WSCD2: variants seen among roughly 807,000 people sequenced by gnomAD.
The protein encoded by WSCD2 is sialate:O-sulfotransferase 2.
WSCD2 carries 28 observed loss-of-function variants against 55.7 expected under a neutral mutation model. The observed-to-expected ratio is 0.50, with a 90% CI of 0.37 to 0.69. The LOEUF is 0.69. WSCD2 is among the 30% of genes least tolerant of loss of function. The pLI is 0.00. For missense variants in WSCD2, 616 were observed against 762.1 expected (o/e 0.81, Z 2.26); for synonymous variants, 301 against 301.9 (o/e 1.00, Z 0.03).
intron 8 of WSCD2, among the ~76,000 whole-genome samples, chr12:108,244,148 A>G (rs1889936952): frequency 6.6e-6 from 1 of 152,336 alleles, no homozygotes; most frequent in Non-Finnish European, 1.5e-5. Flanking sequence ...GTGCCCCGCC[A>G]GGCACACCTG....
At chr12:108,134,751 C>T (rs938872245) in intron 1 of WSCD2, among the ~76,000 whole-genome samples, 3 of 152,082 alleles carry the variant, frequency 2.0e-5, no homozygotes, top group Non-Finnish European at 2.9e-5. Flanking sequence ...GCTTTCTGTC[C>T]ATCCTAATAT....
chr12:108,213,864 T>C (rs1180463162), intron 4 of WSCD2, among the ~76,000 whole-genome samples: 1 of 152,146 alleles, frequency 6.6e-6, no homozygotes, highest in African/African-American at 2.4e-5. Context: ...CAGAACACCA[T>C]CTCTCTTTTA....
At chr12:108,163,384 T>A (rs1370708331) in intron 1 of WSCD2, among the ~76,000 whole-genome samples, 3 of 151,922 alleles carry the variant, frequency 2.0e-5, no homozygotes, top group East Asian at 1.9e-4. Context: ...AAATAAAAAT[T>A]AAAATTAAAA....
intron 1 of WSCD2, among the ~76,000 whole-genome samples, chr12:108,186,804 T>C (rs1027018476): frequency 1.3e-5 from 2 of 152,206 alleles, no homozygotes; most frequent in Non-Finnish European, 2.9e-5. Flanking sequence ...CTGTAGCTTA[T>C]TGAGCCCTTT....
In WSCD2 at chr12:108,210,168, G is replaced by T. The variant is rs1885955810; in HGVS notation, c.545G>T (p.Gly182Val). 1 of 1,614,014 alleles carries T rather than the reference G, an allele frequency of 6.2e-7. No homozygotes were observed. The highest frequency in any genetic ancestry group is 1.7e-5 in the Admixed American group (1 of 60,008). Residue 182 changes from glycine (G) to valine (V), a missense_variant, in exon 4 of 9, where the codon GGC becomes GTC. Gly to Val is a moderately radical substitution (Grantham distance 109). Transcript: ENST00000547525. This position sits in a 1 kb window ranked among gnomAD's most constrained non-coding sequence, Gnocchi z 4.3. Reference protein sequence around the residue: ...GLEFGAECYCGHKIQATNVSE... With the variant: ...GLEFGAECYCVHKIQATNVSE... Reference sequence around the variant, plus strand: ...GAGTTCGGCGCCGAGTGCTACTGCGGCCACAAGATCCAGGCGACGAACGTG... The same window carrying T: ...GAGTTCGGCGCCGAGTGCTACTGCGTCCACAAGATCCAGGCGACGAACGTG...
intron 2 of WSCD2, among the ~76,000 whole-genome samples, chr12:108,199,318 G>A (rs1884358929): frequency 6.6e-6 from 1 of 152,236 alleles, no homozygotes; most frequent in Non-Finnish European, 1.5e-5. Flanking sequence ...AGGATTCAGA[G>A]CCCATCATGG....
chr12:108,226,047 G>T (rs932575603), intron 5 of WSCD2, among the ~76,000 whole-genome samples: 1 of 152,008 alleles, frequency 6.6e-6, no homozygotes, highest in Non-Finnish European at 1.5e-5. Flanking sequence ...TGCCCCCTTG[G>T]TGTGATGGTG....
intron 7 of WSCD2, among the ~76,000 whole-genome samples, chr12:108,235,159 T>G (rs1889152530): frequency 6.6e-6 from 1 of 152,184 alleles, no homozygotes; most frequent in Admixed American, 6.5e-5. Context: ...GAGCTTTAAT[T>G]TCCTAATCTA....
At position 108,162,170 on chromosome 12, in the gene WSCD2, A is replaced by T. The variant is rs182563759; in HGVS notation, c.-552+32244A>T. On this transcript the variant is annotated intron_variant, in intron 1 of 8. Coordinates refer to ENST00000547525, the MANE Select transcript of WSCD2 (RefSeq NM_014653.4). ...TGAGGGTGGAAAGGAAGGACGGCAG[A>T]GGGACTGTGACCTCAGATTCTCTTC... is the stretch of plus-strand genomic sequence containing the variant. Among the ~76,000 whole-genome samples, 249 of 152,356 alleles carry T rather than the reference A, an allele frequency of 1.6e-3. 1 individual carries two copies. The highest frequency in any genetic ancestry group is 3.0e-3 in the Non-Finnish European group (205 of 68,034).
Position 108,196,204 on chromosome 12 carries a change from G to A in WSCD2, c.372G>A (p.Glu124=), listed in dbSNP as rs746672113. ...AGGGGAGGGTTGTCCGGGAGAAGGA[G>A]GAAGAGCGAGGTAAGAGCGAGGAAC... The part of the protein sequence containing the change: ...ALKGRVVREK[E]EERAKYIGCY... Residue 124 remains glutamate, a synonymous_variant, in exon 2 of 9, where the codon GAG becomes GAA. Coordinates refer to ENST00000547525, the MANE Select transcript of WSCD2 (RefSeq NM_014653.4). The A allele has an allele frequency of 1.1e-5, 18 of 1,612,944 alleles. No individual in the cohort carries two copies. The African/African-American group carries it at 2.1e-4, about 19-fold the overall frequency.
chr12:108,136,790 T>C (rs1007273536), intron 1 of WSCD2, among the ~76,000 whole-genome samples: 6 of 151,684 alleles, frequency 4.0e-5, no homozygotes, highest in Middle Eastern at 3.2e-3. Context: ...TGATGCACGG[T>C]TTCAGGAACT....
chr12:108,201,649 G>A (rs1200928046), intron 2 of WSCD2, among the ~76,000 whole-genome samples: 1 of 152,090 alleles, frequency 6.6e-6, no homozygotes, highest in Non-Finnish European at 1.5e-5. Flanking sequence ...TCATGTGTGG[G>A]ATTTGAACCC....
At chr12:108,163,245 T>A (rs561811145) in intron 1 of WSCD2, among the ~76,000 whole-genome samples, 33 of 152,262 alleles carry the variant, frequency 2.2e-4, no homozygotes, top group Admixed American at 1.4e-3. Context: ...GGCGGGCACC[T>A]GTAGTCCCAG....
At chr12:108,169,086 A>C (rs1879954021) in intron 1 of WSCD2, among the ~76,000 whole-genome samples, 1 of 152,176 alleles carries the variant, frequency 6.6e-6, no homozygotes, top group Admixed American at 6.5e-5. Flanking sequence ...CTGCGAATGC[A>C]AGACCTCTAG....
intron 2 of WSCD2, among the ~76,000 whole-genome samples, chr12:108,199,891 G>A (rs1358364707): frequency 1.3e-5 from 2 of 152,140 alleles, no homozygotes; most frequent in Non-Finnish European, 2.9e-5. Flanking sequence ...TGTACAGAAA[G>A]TACATGCCAG....
intron 1 of WSCD2, among the ~76,000 whole-genome samples, chr12:108,135,043 G>A (rs1181325284): frequency 6.6e-6 from 1 of 152,190 alleles, no homozygotes; most frequent in Admixed American, 6.5e-5. Flanking sequence ...CTCACCTGGA[G>A]GTTTGGTTCG....
chr12:108,140,904 C>G (rs1041467654), intron 1 of WSCD2, among the ~76,000 whole-genome samples: 3 of 152,260 alleles, frequency 2.0e-5, no homozygotes, highest in African/African-American at 4.8e-5. Flanking sequence ...CTTTCACATC[C>G]TGATCCATGA....
At chr12:108,224,664 C>T in intron 4 of WSCD2, 75 bp from the exon 5 acceptor site, 1 of 1,546,714 alleles carries the variant, frequency 6.5e-7, no homozygotes, top group Admixed American at 1.9e-5. Flanking sequence ...TCTGAGCTTT[C>T]TTCAGAATGT....
chr12:108,164,298 T>G (rs1015021160), intron 1 of WSCD2, among the ~76,000 whole-genome samples: 2 of 152,082 alleles, frequency 1.3e-5, no homozygotes, highest in South Asian at 2.1e-4. Flanking sequence ...TTCTTATCAC[T>G]CCAGAGAGGT....
Sources: allele counts gnomAD v4.1 joint callset (sites outside exome capture counted in the v4.1 genomes callset), GRCh38; gene constraint gnomAD v4.1.1; non-coding constraint Gnocchi (gnomAD v3.1); transcripts MANE v1.5; gene names NCBI Gene and HGNC (gene_info 2026-07-23, HGNC 2026-07-21).